The following SPATA16 variants were observed in gnomAD, a reference collection of about 807,000 sequenced individuals.
The protein encoded by SPATA16 is spermatogenesis-associated protein 16.
Under a neutral mutation model 63.3 loss-of-function variants are expected in SPATA16, and 36 were observed. The ratio of observed to expected loss-of-function variants is 0.57; its 90% CI spans 0.44 to 0.75. The LOEUF (loss-of-function observed/expected upper bound fraction) is 0.75. Ranked by LOEUF, SPATA16 falls within the 30% of genes least tolerant of loss-of-function variation. The pLI, the probability that SPATA16 is intolerant of heterozygous loss-of-function variation, is 0.00. For missense variants in SPATA16, 646 were observed against 679.3 expected, an observed-to-expected ratio of 0.95 and a Z score of 0.54; for synonymous variants, 203 against 216.7, an observed-to-expected ratio of 0.94 and a Z score of 0.56.
At chr3:173,057,542 T>A (rs543111988) in intron 2 of SPATA16, among the ~76,000 whole-genome samples, 1 of 152,202 alleles carries the variant, frequency 6.6e-6, no homozygotes, top group Admixed American at 6.5e-5. Flanking sequence ...GGCTGTATCA[T>A]TCACTTTATT....
chr3:172,921,852 T>C (rs144616052), intron 8 of SPATA16, among the ~76,000 whole-genome samples: 1 of 152,344 alleles, frequency 6.6e-6, no homozygotes, highest in Non-Finnish European at 1.5e-5. Context: ...AGAGGTTAAG[T>C]GACTTGCCCT....
chr3:172,955,405 C>T (rs1470874309), intron 6 of SPATA16, among the ~76,000 whole-genome samples: 3 of 152,072 alleles, frequency 2.0e-5, no homozygotes, highest in African/African-American at 7.2e-5. Context: ...TTTAAATATC[C>T]ATAAGAATAA....
chr3:173,048,917 A>G (rs1736015900), intron 3 of SPATA16, 32 bp downstream of exon 3: 1 of 1,612,950 alleles, frequency 6.2e-7, no homozygotes, highest in South Asian at 1.1e-5. Context: ...CATGAACAGC[A>G]TTTACTTGCA....
intron 3 of SPATA16, among the ~76,000 whole-genome samples, chr3:173,039,327 A>C (rs942360859): frequency 6.6e-6 from 1 of 152,132 alleles, no homozygotes; most frequent in Non-Finnish European, 1.5e-5. Flanking sequence ...ACCCACCCAC[A>C]AGGAGTACCT....
intron 2 of SPATA16, among the ~76,000 whole-genome samples, chr3:173,085,872 A>T (rs1256412469): frequency 6.6e-6 from 1 of 152,184 alleles, no homozygotes; most frequent in East Asian, 1.9e-4. Context: ...TGCCAACTTG[A>T]TCGTGGTAAA....
chr3:172,998,534 C>T (rs1225325651), intron 4 of SPATA16, among the ~76,000 whole-genome samples: 1 of 151,954 alleles, frequency 6.6e-6, no homozygotes, highest in Non-Finnish European at 1.5e-5. Flanking sequence ...CTTTTATTTC[C>T]ATTTCTTGTC....
At chr3:173,063,850 A>C (rs1297988693) in intron 2 of SPATA16, among the ~76,000 whole-genome samples, 1 of 152,252 alleles carries the variant, frequency 6.6e-6, no homozygotes, top group Non-Finnish European at 1.5e-5. Context: ...TTATATGCTT[A>C]TAAAAGAAAA....
At chr3:172,914,591 G>A (rs1159096808) in intron 9 of SPATA16, among the ~76,000 whole-genome samples, 1 of 152,016 alleles carries the variant, frequency 6.6e-6, no homozygotes, top group Non-Finnish European at 1.5e-5. Context: ...AGCATACAGG[G>A]TATTACTAGG....
intron 2 of SPATA16, among the ~76,000 whole-genome samples, chr3:173,084,630 A>G (rs1577166178): frequency 6.6e-6 from 1 of 151,984 alleles, no homozygotes; most frequent in Admixed American, 6.6e-5. Flanking sequence ...TAGATTTTCT[A>G]CTAGAGTTTT....
chr3:173,023,581 G>T (rs993982346), intron 3 of SPATA16, among the ~76,000 whole-genome samples: 1 of 151,868 alleles, frequency 6.6e-6, no homozygotes, highest in African/African-American at 2.4e-5. Flanking sequence ...TTAAACTAAA[G>T]ACATTAGATT....
At chr3:173,050,658 A>C (rs1036075483) in intron 2 of SPATA16, among the ~76,000 whole-genome samples, 1 of 152,116 alleles carries the variant, frequency 6.6e-6, no homozygotes, top group African/African-American at 2.4e-5. Flanking sequence ...AATAATATAC[A>C]AATGATAAAA....
In SPATA16 at chr3:173,088,007, C is replaced by CATCTTTCTTTCTTTCTTTCT. The variant is rs1553801607; in HGVS notation, c.612+29112_612+29113insAGAAAGAAAGAAAGAAAGAT. 1.1e-4 allele frequency among the ~76,000 whole-genome samples: 13 copies of CATCTTTCTTTCTTTCTTTCT among 118,372 alleles called. 1 individual carries two copies. Among genetic ancestry groups the CATCTTTCTTTCTTTCTTTCT allele is most frequent in the East Asian group, 5.0e-4 (2 of 3,996 alleles). 77.7% of individuals were successfully genotyped at this position (118,372 alleles called of 152,430 possible). A position where few individuals can be genotyped will look rare whatever the true frequency, so the allele number is the denominator to read the frequency against. ...AATCTGATGATTAGCATTTTCTTTC[C>CATCTTTCTTTCTTTCTTTCT]GTCTTTCTTTCTTTCTTTCTTTCTT... On this transcript the variant is annotated intron_variant, in intron 2 of 10. Coordinates refer to ENST00000351008, the MANE Select transcript of SPATA16 (RefSeq NM_031955.6).
chr3:172,979,746 C>G (rs1473160378), intron 4 of SPATA16, among the ~76,000 whole-genome samples: 6 of 152,082 alleles, frequency 3.9e-5, no homozygotes, highest in Non-Finnish European at 7.4e-5. Context: ...TAAAGGAACA[C>G]AGCTCTCCAA....
intron 4 of SPATA16, among the ~76,000 whole-genome samples, chr3:173,005,109 T>C (rs904953809): frequency 6.6e-6 from 1 of 151,782 alleles, no homozygotes; most frequent in Non-Finnish European, 1.5e-5. Context: ...GATCACGAGG[T>C]CAGGAGATCG....
chr3:173,048,974 C>A lies in SPATA16; in HGVS notation c.733G>T (p.Asp245Tyr). 6.2e-7 allele frequency: 1 copy of A among 1,613,804 alleles called. No homozygotes were observed. Among genetic ancestry groups the A allele is most frequent in the Non-Finnish European group, 8.5e-7 (1 of 1,179,732 alleles). Residue 245 changes from aspartate (D) to tyrosine (Y), a missense_variant, in exon 3 of 11, where the codon GAT becomes TAT. Asp to Tyr is a radical substitution (Grantham distance 160). Coordinates refer to ENST00000351008, the MANE Select transcript of SPATA16 (RefSeq NM_031955.6). ...CTGTGTGCATGATTCAGGGCAAGAT[C>A]TGGTTTCCTCATCCGTAGATAACAG... ...VTCYLRMRKP[D>Y]LALNHAHRSI...
intron 4 of SPATA16, among the ~76,000 whole-genome samples, chr3:172,979,806 G>A (rs1357785025): frequency 6.6e-6 from 1 of 152,018 alleles, no homozygotes; most frequent in East Asian, 1.9e-4. Context: ...TTCCTTACCT[G>A]CCATACCTCA....
chr3:172,900,726 C>T (rs375662478), intron 10 of SPATA16, among the ~76,000 whole-genome samples: 5 of 151,892 alleles, frequency 3.3e-5, no homozygotes, highest in East Asian at 1.9e-4. Flanking sequence ...CTGCAACATC[C>T]GCCTCCCGGA....
intron 5 of SPATA16, among the ~76,000 whole-genome samples, chr3:172,970,206 A>T (rs1577112168): frequency 6.6e-6 from 1 of 152,132 alleles, no homozygotes; most frequent in African/African-American, 2.4e-5. Flanking sequence ...CTGCTCCGTG[A>T]TGCCTATTTT....
rs536425798 is a variant in SPATA16 at position 173,036,531 on chromosome 3, T to C, written c.758+12418A>G. ...TAAACAATCCAATCAAAGTATAAGATGAACTAATGGCTTTTAATGTTACAG... is the reference window on the plus strand; with the variant it reads ...TAAACAATCCAATCAAAGTATAAGACGAACTAATGGCTTTTAATGTTACAG... On this transcript the variant is annotated intron_variant, in intron 3 of 10. Transcript: ENST00000351008. Among the ~76,000 whole-genome samples, 10 of 152,144 alleles carry C rather than the reference T, an allele frequency of 6.6e-5. No homozygotes were observed. The East Asian group carries it at 1.9e-3, about 29-fold the overall frequency.
Sources: gnomAD v4.1 joint callset for allele counts (sites outside exome capture counted in the v4.1 genomes callset) on GRCh38, gnomAD v4.1.1 for gene constraint, MANE v1.5 for transcripts, NCBI Gene and HGNC (gene_info 2026-07-23, HGNC 2026-07-21) for gene names.